The following RNF13 variants were observed in gnomAD, a reference collection of about 807,000 sequenced individuals.
The protein encoded by RNF13 is E3 ubiquitin-protein ligase RNF13.
In RNF13, 19 loss-of-function variants were observed where a neutral mutation model predicts 37.7. That is an observed-to-expected ratio of 0.50 (90% confidence interval 0.35 to 0.74). The LOEUF is 0.74. Ranked by LOEUF, RNF13 falls within the 30% of genes least tolerant of loss-of-function variation. RNF13 has a pLI of 0.01. For missense variants in RNF13, 375 were observed against 453.0 expected (o/e 0.83, Z 1.56); for synonymous variants, 144 against 157.8 (o/e 0.91, Z 0.65).
At chr3:149,877,472 C>CTTTTTT (rs369676407) in intron 4 of RNF13, among the ~76,000 whole-genome samples, 1 of 101,486 alleles carries the variant, frequency 9.9e-6, no homozygotes, top group Non-Finnish European at 2.0e-5. Context: ...TTCTTTCTGT[C>CTTTTTT]TTTTTTTTTT....
intron 1 of RNF13, among the ~76,000 whole-genome samples, chr3:149,825,724 A>G (rs1272184846): frequency 1.3e-5 from 2 of 152,214 alleles, no homozygotes; most frequent in Non-Finnish European, 2.9e-5. Flanking sequence ...TGTCTCCCTC[A>G]GTGTTACTCT....
intron 8 of RNF13, among the ~76,000 whole-genome samples, chr3:149,949,728 C>CTT (rs796954637): frequency 1.4e-5 from 2 of 142,924 alleles, no homozygotes; most frequent in Admixed American, 7.0e-5. Flanking sequence ...TTCCTTCATT[C>CTT]TTTTTTTTTT....
intron 4 of RNF13, 86 bp downstream of exon 4, chr3:149,872,240 C>G (rs1376203095): frequency 3.4e-6 from 3 of 884,918 alleles, no homozygotes; most frequent in Non-Finnish European, 4.9e-6. Context: ...TTTCAGAAAA[C>G]ATTTAAAATT....
At chr3:149,921,300 A>T (rs560858574) in intron 8 of RNF13, 73 bp downstream of exon 8, 15 of 469,576 alleles carry the variant, frequency 3.2e-5, no homozygotes, top group Admixed American at 8.9e-5. Context: ...CTTTAAAAAA[A>T]TTTTTATTAT....
intron 1 of RNF13, among the ~76,000 whole-genome samples, chr3:149,823,870 A>G (rs1720229728): frequency 6.6e-6 from 1 of 152,224 alleles, no homozygotes; most frequent in Non-Finnish European, 1.5e-5. Flanking sequence ...TAAAAACAAT[A>G]CAAAGACCTT....
intron 4 of RNF13, among the ~76,000 whole-genome samples, chr3:149,892,846 T>C (rs1356588795): frequency 6.6e-6 from 1 of 152,156 alleles, no homozygotes; most frequent in Non-Finnish European, 1.5e-5. Context: ...GACATGTATA[T>C]GTGTAAGTAT....
chr3:149,818,441 C>T (rs1719686758), intron 1 of RNF13, among the ~76,000 whole-genome samples: 1 of 152,180 alleles, frequency 6.6e-6, no homozygotes, highest in Admixed American at 6.5e-5. Context: ...TCTCCCTTTT[C>T]CCCTTCCTCC....
intron 3 of RNF13, among the ~76,000 whole-genome samples, chr3:149,861,295 A>C (rs1381645316): frequency 6.6e-6 from 1 of 152,150 alleles, no homozygotes; most frequent in African/African-American, 2.4e-5. Flanking sequence ...ATTTATCCAA[A>C]GGAAAAGAAG....
chr3:149,846,865 C>G (rs978883044), intron 2 of RNF13, among the ~76,000 whole-genome samples: 2 of 152,026 alleles, frequency 1.3e-5, no homozygotes, highest in African/African-American at 4.8e-5. Context: ...AATTTCAACC[C>G]AAGATTAGCA....
chr3:149,822,349 G>T (rs1268012058), intron 1 of RNF13, among the ~76,000 whole-genome samples: 1 of 151,900 alleles, frequency 6.6e-6, no homozygotes, highest in Non-Finnish European at 1.5e-5. Flanking sequence ...CACCTCCTTT[G>T]TTATATTTAT....
At chr3:149,903,903 G>T (rs1716107765) in intron 6 of RNF13, among the ~76,000 whole-genome samples, 1 of 151,968 alleles carries the variant, frequency 6.6e-6, no homozygotes, top group African/African-American at 2.4e-5. Context: ...CGTACATAAA[G>T]ATCTACTCTA....
chr3:149,935,264 C>G (rs1460149122), intron 8 of RNF13, among the ~76,000 whole-genome samples: 7 of 151,976 alleles, frequency 4.6e-5, no homozygotes, highest in African/African-American at 7.3e-5. Flanking sequence ...GTCTATGTGT[C>G]TTTATAGGTA....
At chr3:149,856,103 T>G (rs1315201758) in intron 3 of RNF13, among the ~76,000 whole-genome samples, 1 of 152,136 alleles carries the variant, frequency 6.6e-6, no homozygotes, top group East Asian at 1.9e-4. Context: ...ATGAGTTTGT[T>G]TATTCACTGC....
At chr3:149,915,361 A>G (rs1320900448) in intron 7 of RNF13, among the ~76,000 whole-genome samples, 1 of 152,182 alleles carries the variant, frequency 6.6e-6, no homozygotes, top group Non-Finnish European at 1.5e-5. Context: ...CTTTGGTTTT[A>G]TGGGGCCACC....
At chr3:149,916,384 G>A (rs1016209403) in intron 7 of RNF13, among the ~76,000 whole-genome samples, 1 of 152,020 alleles carries the variant, frequency 6.6e-6, no homozygotes, top group Admixed American at 6.6e-5. Context: ...AGAAATTATT[G>A]CCTTATTAGT....
Position 149,907,016 on chromosome 3 carries a change from T to G in RNF13, c.500+4854T>G, listed in dbSNP as rs186891340. ...AAAATCTATGTGAGATAAACATTTC[T>G]TGTTAAATTTATGCCAAGGTATTTT... is the stretch of plus-strand genomic sequence containing the variant. On this transcript the variant is annotated intron_variant, in intron 6 of 9. Coordinates refer to ENST00000392894, the MANE Select transcript of RNF13 (RefSeq NM_183381.3). Among the ~76,000 whole-genome samples the G allele has an allele frequency of 2.2e-3, 330 of 152,320 alleles. 1 individual carries two copies. Among genetic ancestry groups the G allele is most frequent in the Non-Finnish European group, 1.5e-3 (104 of 68,012 alleles).
chr3:149,820,355 G>A (rs1244048493), intron 1 of RNF13, among the ~76,000 whole-genome samples: 2 of 151,818 alleles, frequency 1.3e-5, no homozygotes, highest in African/African-American at 4.8e-5. Context: ...CCCTGCCCGG[G>A]CTCTGTTTCT....
chr3:149,914,289 G>C (rs1370217230), intron 7 of RNF13, among the ~76,000 whole-genome samples: 1 of 151,780 alleles, frequency 6.6e-6, no homozygotes, highest in Non-Finnish European at 1.5e-5. Flanking sequence ...CCTAGCATCA[G>C]ACCTTTTCCC....
chr3:149,898,551 T>C (rs1348474520), intron 5 of RNF13, among the ~76,000 whole-genome samples: 1 of 152,200 alleles, frequency 6.6e-6, no homozygotes, highest in Non-Finnish European at 1.5e-5. Flanking sequence ...AATATCTATA[T>C]GCTTCAGTTT....
Sources: allele counts gnomAD v4.1 joint callset (sites outside exome capture counted in the v4.1 genomes callset), GRCh38; gene constraint gnomAD v4.1.1; transcripts MANE v1.5; gene names NCBI Gene and HGNC (gene_info 2026-07-23, HGNC 2026-07-21).